CDC14B: variants seen among roughly 807,000 people sequenced by gnomAD.
CDC14B encodes dual specificity protein phosphatase CDC14B.
Under a neutral mutation model 64.2 loss-of-function variants are expected in CDC14B, and 22 were observed. The ratio of observed to expected loss-of-function variants is 0.34; its 90% CI spans 0.24 to 0.49. CDC14B has a LOEUF of 0.49. Among genes scored for constraint, CDC14B ranks in the 20% least tolerant of loss-of-function variants. CDC14B has a pLI of 0.99. For missense variants in CDC14B, 498 were observed against 629.9 expected (o/e 0.79, Z 2.24); for synonymous variants, 191 against 215.8 (o/e 0.89, Z 1.01).
At chr9:96,606,571 G>GTA (rs1846953142) in intron 1 of CDC14B, among the ~76,000 whole-genome samples, 1 of 146,586 alleles carries the variant, frequency 6.8e-6, no homozygotes, top group Admixed American at 6.8e-5. Context: ...GTGTGTGTGT[G>GTA]TGTGTGTTTC....
intron 12 of CDC14B, among the ~76,000 whole-genome samples, chr9:96,518,514 C>T (rs939166070): frequency 1.3e-5 from 2 of 151,898 alleles, no homozygotes; most frequent in African/African-American, 2.4e-5. Flanking sequence ...GACTCTGTCT[C>T]GGGGAAAAAG....
intron 1 of CDC14B, among the ~76,000 whole-genome samples, chr9:96,605,662 C>T (rs1206575166): frequency 6.6e-6 from 1 of 152,200 alleles, no homozygotes; most frequent in African/African-American, 2.4e-5. Context: ...CAAAGCAAGA[C>T]ACTGACTGCA....
intron 1 of CDC14B, among the ~76,000 whole-genome samples, chr9:96,614,309 AC>A (rs1219506656): frequency 6.6e-6 from 1 of 151,602 alleles, no homozygotes; most frequent in Non-Finnish European, 1.5e-5. Context: ...TGGAATGAAC[AC>A]AGCTCATTGC....
chr9:96,522,020 A>G (rs955074663), intron 12 of CDC14B, among the ~76,000 whole-genome samples: 20 of 152,230 alleles, frequency 1.3e-4, no homozygotes, highest in African/African-American at 4.6e-4. Context: ...ATCTTCCTCT[A>G]TAATTAGAAA....
rs1308638182 is a variant in CDC14B at position 96,500,973 on chromosome 9, C to T, written c.*2780G>A. The T allele has an allele frequency of 6.6e-6, 1 of 152,344 alleles. No homozygotes were observed. Among genetic ancestry groups the T allele is most frequent in the East Asian group, 1.9e-4 (1 of 5,182 alleles). The allele number at this position is 152,344 out of a possible 1,614,324, so 9.4% of individuals were successfully genotyped here. ...AAGAAAACAGAGAGGTAGCAATCAC[C>T]CCTGTGAGAGGGCTAGAGAGGAGGG... On this transcript the variant is annotated 3_prime_UTR_variant, in exon 14 of 14. Transcript: ENST00000375241.
chr9:96,545,351 A>G (rs566133136), intron 5 of CDC14B, among the ~76,000 whole-genome samples: 2 of 139,160 alleles, frequency 1.4e-5, no homozygotes, highest in South Asian at 2.2e-4. Context: ...TTTTTTTGAC[A>G]GTCTCCCCCT....
At chr9:96,499,525 T>C (rs916768258), downstream of CDC14B, among the ~76,000 whole-genome samples, 5 of 152,186 alleles carry the variant, frequency 3.3e-5, no homozygotes, top group Non-Finnish European at 5.9e-5. Context: ...CTGACTTAAG[T>C]CTTATCTTTA....
intron 13 of CDC14B, among the ~76,000 whole-genome samples, chr9:96,505,053 C>T (rs964463793): frequency 1.3e-5 from 2 of 152,040 alleles, no homozygotes; most frequent in African/African-American, 2.4e-5. Context: ...TGGTGATGCA[C>T]GCCTGTATTC....
chr9:96,569,500 T>C (rs999255366), intron 1 of CDC14B, among the ~76,000 whole-genome samples: 4 of 152,248 alleles, frequency 2.6e-5, no homozygotes, highest in Non-Finnish European at 5.9e-5. Context: ...CACTGATTTC[T>C]GATGTGCAAT....
At chr9:96,591,403 G>C (rs1183691926) in intron 1 of CDC14B, among the ~76,000 whole-genome samples, 1 of 152,140 alleles carries the variant, frequency 6.6e-6, no homozygotes, top group African/African-American at 2.4e-5. Flanking sequence ...ATATACATAA[G>C]GGTTTATTTC....
chr9:96,532,031 T>C (rs1341786096), intron 9 of CDC14B, among the ~76,000 whole-genome samples: 1 of 152,214 alleles, frequency 6.6e-6, no homozygotes, highest in Admixed American at 6.5e-5. Flanking sequence ...TCAGGAGGCT[T>C]TGGACTACTT....
At chr9:96,585,465 CA>C (rs1845406498) in intron 1 of CDC14B, among the ~76,000 whole-genome samples, 1 of 151,862 alleles carries the variant, frequency 6.6e-6, no homozygotes, top group Non-Finnish European at 1.5e-5. Flanking sequence ...GGAACCAGGG[CA>C]AAAGTTTTGA....
At chr9:96,607,645 G>A (rs989142734) in intron 1 of CDC14B, among the ~76,000 whole-genome samples, 2 of 151,868 alleles carry the variant, frequency 1.3e-5, no homozygotes, top group African/African-American at 2.4e-5. Context: ...GGATGGTCTC[G>A]ATCTCCTGAC....
At chr9:96,532,675 A>T (rs1446087510) in intron 9 of CDC14B, among the ~76,000 whole-genome samples, 1 of 151,920 alleles carries the variant, frequency 6.6e-6, no homozygotes, top group Non-Finnish European at 1.5e-5. Flanking sequence ...TGTTCCTCAG[A>T]CTTGCTAATT....
At chr9:96,601,076 T>C (rs1302385782) in intron 1 of CDC14B, among the ~76,000 whole-genome samples, 3 of 152,156 alleles carry the variant, frequency 2.0e-5, no homozygotes, top group Non-Finnish European at 2.9e-5. Context: ...AATGATATGA[T>C]AGTACTTGGA....
chr9:96,603,776 T>G (rs1002922992), intron 1 of CDC14B, among the ~76,000 whole-genome samples: 4 of 152,162 alleles, frequency 2.6e-5, no homozygotes, highest in Admixed American at 2.6e-4. Flanking sequence ...GAAAAGACAC[T>G]GCGCAAGATT....
intron 5 of CDC14B, among the ~76,000 whole-genome samples, chr9:96,543,540 T>C (rs1840387892): frequency 6.6e-6 from 1 of 152,162 alleles, no homozygotes; most frequent in Non-Finnish European, 1.5e-5. Flanking sequence ...CTTATATTAC[T>C]TTACAGACAA....
chr9:96,497,540 T>G (rs1309335236), downstream of CDC14B, among the ~76,000 whole-genome samples: 1 of 147,340 alleles, frequency 6.8e-6, no homozygotes, highest in African/African-American at 2.5e-5. Flanking sequence ...ACAGTGAGCG[T>G]GACCCCCTAC....
At chr9:96,617,654 T>C (rs1847714306) in intron 1 of CDC14B, among the ~76,000 whole-genome samples, 1 of 152,170 alleles carries the variant, frequency 6.6e-6, no homozygotes, top group East Asian at 1.9e-4. Flanking sequence ...ATAGTATGCA[T>C]GCACAGCCTA....
Sources: gnomAD v4.1 joint callset for allele counts (sites outside exome capture counted in the v4.1 genomes callset) on GRCh38, gnomAD v4.1.1 for gene constraint, MANE v1.5 for transcripts, NCBI Gene and HGNC (gene_info 2026-07-23, HGNC 2026-07-21) for gene names.